Variants in TTLL4 observed in about 807,000 individuals in gnomAD.
TTLL4 encodes the protein tubulin monoglutamylase TTLL4.
Under a neutral mutation model 122.7 loss-of-function variants are expected in TTLL4, and 85 were observed. The ratio of observed to expected loss-of-function variants is 0.69; its 90% CI spans 0.58 to 0.83. The LOEUF is 0.83. TTLL4 is among the 40% of genes least tolerant of loss of function. TTLL4 has a pLI of 0.00. For synonymous variants in TTLL4, 553 were observed against 563.0 expected, an observed-to-expected ratio of 0.98 and a Z score of 0.25; for missense variants, 1,363 against 1,488.6, an observed-to-expected ratio of 0.92 and a Z score of 1.39.
intron 17 of TTLL4, 47 bp from the exon 18 acceptor site, chr2:218,753,068 A>G (rs1363908253): frequency 1.2e-5 from 19 of 1,613,700 alleles, no homozygotes; most frequent in East Asian, 2.2e-5. Context: ...GAATTGGCCA[A>G]TTGATTCTAC....
chr2:218,746,660 A>G (rs758020530), intron 8 of TTLL4: 2 of 379,852 alleles, frequency 5.3e-6, no homozygotes, highest in African/African-American at 4.1e-5. Flanking sequence ...TTCTGGTCTC[A>G]CATTGGAATG....
At chr2:218,713,303 G>A (rs1393381688) in intron 1 of TTLL4, among the ~76,000 whole-genome samples, 1 of 152,162 alleles carries the variant, frequency 6.6e-6, no homozygotes, top group African/African-American at 2.4e-5. Flanking sequence ...AGGATGTATT[G>A]AGCCCAGGAG....
chr2:218,748,088 T>G lies in TTLL4; in HGVS notation c.2379-17T>G. On this transcript the variant is annotated splice_polypyrimidine_tract_variant and intron_variant, in intron 11 of 19. Coordinates refer to ENST00000392102, the MANE Select transcript of TTLL4 (RefSeq NM_014640.5). ...CTGTTACCATCTTACCTCTGCCTTT[T>G]GTTTCCTTACTTCCAGGTATTCGCC... The G allele has an allele frequency of 6.2e-7, 1 of 1,614,138 alleles. No homozygotes were observed. Among genetic ancestry groups the G allele is most frequent in the Non-Finnish European group, 8.5e-7 (1 of 1,179,988 alleles).
At chr2:218,746,485 C>T in intron 8 of TTLL4, 1 of 528,180 alleles carries the variant, frequency 1.9e-6, no homozygotes, top group Non-Finnish European at 3.4e-6. Context: ...TCCTGAACTC[C>T]AACCTCATAG....
intron 1 of TTLL4, among the ~76,000 whole-genome samples, chr2:218,711,845 A>G (rs1299913474): frequency 4.1e-5 from 4 of 96,538 alleles, no homozygotes; most frequent in Admixed American, 1.1e-4. Flanking sequence ...CCTTGATGAA[A>G]TCTTCTTTGC....
At chr2:218,726,875 G>C (rs891526483) in intron 1 of TTLL4, among the ~76,000 whole-genome samples, 2 of 151,992 alleles carry the variant, frequency 1.3e-5, no homozygotes, top group African/African-American at 4.8e-5. Context: ...TGCAATCTCA[G>C]CTCACTGCAA....
chr2:218,751,649 C>T (rs1346702484), intron 15 of TTLL4, 55 bp from the exon 16 acceptor site: 1 of 1,588,608 alleles, frequency 6.3e-7, no homozygotes, highest in Non-Finnish European at 8.6e-7. Context: ...CATATTTCCT[C>T]CAAATAAGAA....
intron 5 of TTLL4, among the ~76,000 whole-genome samples, chr2:218,743,073 G>A (rs1309078108): frequency 6.6e-6 from 1 of 152,124 alleles, no homozygotes; most frequent in East Asian, 1.9e-4. Flanking sequence ...GAACCTGGGA[G>A]GCAGAGGTTG....
intron 5 of TTLL4, 33 bp from the exon 6 acceptor site, chr2:218,745,076 C>G: frequency 6.2e-7 from 1 of 1,610,792 alleles, no homozygotes. Flanking sequence ...TGCTTTTTCC[C>G]TTTCTCTACT....
chr2:218,730,815 C>T (rs1485892643), intron 2 of TTLL4, among the ~76,000 whole-genome samples: 3 of 151,018 alleles, frequency 2.0e-5, no homozygotes, highest in Non-Finnish European at 3.0e-5. Flanking sequence ...TACAGGTGTG[C>T]ACCACCATGC....
chr2:218,734,169 T>C (rs764637977), intron 2 of TTLL4, among the ~76,000 whole-genome samples: 2 of 152,236 alleles, frequency 1.3e-5, no homozygotes, highest in African/African-American at 2.4e-5. Context: ...GGAAAGTTAC[T>C]TAACTTTTCT....
chr2:218,756,193 C>T (rs1314991626), downstream of TTLL4, among the ~76,000 whole-genome samples: 38 of 152,264 alleles, frequency 2.5e-4, 1 homozygote, highest in Non-Finnish European at 1.5e-5. Context: ...GACCTAGGCA[C>T]GGAGTCCTGG....
chr2:218,710,847 A>C lies in TTLL4; in HGVS notation c.-368A>C, dbSNP rs1319010833. 1.4e-5 allele frequency: 2 copies of C among 147,542 alleles called. No individual in the cohort carries two copies. Among genetic ancestry groups the C allele is most frequent in the Non-Finnish European group, 3.0e-5 (2 of 66,776 alleles). The allele number at this position is 147,542 out of a possible 1,614,324, so 9.1% of individuals were successfully genotyped here. Reference sequence around the variant, plus strand: ...CTTGCCTCCCGCCCTCTTCTTCCAGACTCTCGGTCTGTCCGCTGGGGGCGC... The same window carrying C: ...CTTGCCTCCCGCCCTCTTCTTCCAGCCTCTCGGTCTGTCCGCTGGGGGCGC... On this transcript the variant is annotated 5_prime_UTR_variant, in exon 1 of 20. Coordinates refer to ENST00000392102, the MANE Select transcript of TTLL4 (RefSeq NM_014640.5).
intron 1 of TTLL4, among the ~76,000 whole-genome samples, chr2:218,724,452 T>C (rs13022583): frequency 0.5 from 75,570 of 151,994 alleles, 19,523 homozygotes; most frequent in African/African-American, 0.61. Context: ...TGGCCTCTGT[T>C]AACCACCAAT....
chr2:218,742,904 G>A (rs770521023), intron 5 of TTLL4, among the ~76,000 whole-genome samples: 3 of 151,986 alleles, frequency 2.0e-5, no homozygotes, highest in Non-Finnish European at 4.4e-5. Context: ...AGGTAGATGA[G>A]TTGAAGTCAG....
chr2:218,739,512 A>T (rs1001392858), intron 3 of TTLL4, among the ~76,000 whole-genome samples: 1 of 152,180 alleles, frequency 6.6e-6, no homozygotes. Context: ...GAGTTCGCCA[A>T]CCCCTATTTT....
intron 1 of TTLL4, among the ~76,000 whole-genome samples, chr2:218,717,431 G>T (rs533868715): frequency 1.3e-5 from 2 of 152,210 alleles, no homozygotes; most frequent in African/African-American, 4.8e-5. Flanking sequence ...AAGGCTTCAG[G>T]AGAGTGAGTC....
Position 218,752,962 on chromosome 2 carries a change from A to T in TTLL4, c.3176A>T (p.Asn1059Ile). 6.2e-7 allele frequency: 1 copy of T among 1,614,200 alleles called. No individual in the cohort carries two copies. The highest frequency in any genetic ancestry group is 2.2e-5 in the East Asian group (1 of 44,894). ...TTQWEQKYHGNKLKGVDLLRS... is the reference protein window; with the variant it reads ...TTQWEQKYHGIKLKGVDLLRS... ...CAATGGGAACAGAAATACCATGGCA[A>T]CAAGCTTAAAGGTGATGTGCCCTCC... The change falls in exon 17 of 20, where the codon AAC (asparagine) becomes ATC (isoleucine). Residue 1059 changes from asparagine to isoleucine, a missense_variant. This residue lies in a region of TTLL4 where 596 missense variants were observed against 655.8 expected (regional missense o/e 0.91). Transcript: ENST00000392102.
intron 5 of TTLL4, among the ~76,000 whole-genome samples, chr2:218,741,829 T>C (rs1208739575): frequency 6.6e-6 from 1 of 152,240 alleles, no homozygotes; most frequent in African/African-American, 2.4e-5. Flanking sequence ...CCTTTAGCCT[T>C]CCTGATATAT....
Sources: gnomAD v4.1 joint callset for allele counts (sites outside exome capture counted in the v4.1 genomes callset) on GRCh38, gnomAD v4.1.1 for gene constraint, gnomAD v4.1.1 regional missense constraint, MANE v1.5 for transcripts, NCBI Gene and HGNC (gene_info 2026-07-23, HGNC 2026-07-21) for gene names.